PCNX2: variants seen among roughly 807,000 people sequenced by gnomAD.
PCNX2 encodes pecanex-like protein 2.
A neutral mutation model predicts 223.8 loss-of-function variants in PCNX2; 168 were observed. The ratio of observed to expected loss-of-function variants is 0.75; its 90% CI spans 0.66 to 0.85. PCNX2 has a LOEUF of 0.85. Among genes scored for constraint, PCNX2 ranks in the 40% least tolerant of loss-of-function variants. The probability of loss-of-function intolerance (pLI) is 0.00; values close to 1 mark genes in which losing one functional copy is unlikely to be tolerated. For synonymous variants in PCNX2, 1,006 were observed against 1,052.6 expected (o/e 0.96, Z 0.86); for missense variants, 2,507 against 2,675.5 (o/e 0.94, Z 1.39).
chr1:233,315,435 A>T, the PCNX2 span, among the ~76,000 whole-genome samples: 1 of 152,206 alleles, frequency 6.6e-6, no homozygotes, highest in Non-Finnish European at 1.5e-5. Context: ...TTCTCATTGT[A>T]GTCATTATAT....
intron 12 of PCNX2, 137 bp from the exon 13 acceptor site, chr1:233,208,826 C>CAAAAAAAAAAAAAAAAAAAAAAAAAAAAA (rs71173255): frequency 6.7e-5 from 4 of 59,524 alleles, no homozygotes; most frequent in East Asian, 6.3e-4. Context: ...AATTCATATA[C>CAAAAAAAAAAAAAAAAAAAAAAAAAAAAA]AAAAAAAAAA....
chr1:233,099,267 T>A lies in PCNX2; in HGVS notation c.3838-3404A>T, dbSNP rs149891946. On this transcript the variant is annotated intron_variant, in intron 21 of 33. Coordinates refer to ENST00000258229, the MANE Select transcript of PCNX2 (RefSeq NM_014801.4). ...TGCAGCAGCTACAGAAAGGTCCCCT[T>A]TATCCAAGATTTCCTGCTGACAGCA... Among the ~76,000 whole-genome samples, 197 of 152,262 alleles carry A rather than the reference T, an allele frequency of 1.3e-3. 1 individual carries two copies. The highest frequency in any genetic ancestry group is 4.3e-3 in the African/African-American group (177 of 41,560).
At chr1:233,173,413 G>A (rs568777651) in intron 17 of PCNX2, among the ~76,000 whole-genome samples, 32 of 152,234 alleles carry the variant, frequency 2.1e-4, no homozygotes, top group African/African-American at 7.2e-4. Context: ...TGATCCACCC[G>A]CCTCGGCCTC....
chr1:233,022,695 C>CTTTTTTTTTTTTTT (rs372153367), intron 26 of PCNX2, among the ~76,000 whole-genome samples: 6 of 128,670 alleles, frequency 4.7e-5, no homozygotes, highest in Non-Finnish European at 6.5e-5. Flanking sequence ...CTTTTTCTTT[C>CTTTTTTTTTTTTTT]TTTTTTTTTT....
intron 21 of PCNX2, among the ~76,000 whole-genome samples, chr1:233,128,408 C>A (rs528764396): frequency 2.0e-5 from 3 of 152,052 alleles, no homozygotes; most frequent in Non-Finnish European, 4.4e-5. Context: ...TATCTTGGCT[C>A]ATTGTAACCT....
At position 233,017,100 on chromosome 1, in the gene PCNX2, C is replaced by G. The variant is rs377345229; in HGVS notation, c.4660G>C (p.Glu1554Gln). 1.2e-6 allele frequency: 2 copies of G among 1,609,030 alleles called. No homozygotes were observed. The highest frequency in any genetic ancestry group is 1.7e-6 in the Non-Finnish European group (2 of 1,178,310). The change falls in exon 27 of 34, where the codon GAA becomes CAA. Residue 1554 changes from glutamate (E) to glutamine (Q), a missense_variant. Glu to Gln is a conservative substitution (Grantham distance 29). Around this residue, in one of 3 missense-constraint regions of PCNX2, gnomAD observed 1,372 missense variants for 1,509.4 expected, o/e 0.91. Coordinates refer to ENST00000258229, the MANE Select transcript of PCNX2 (RefSeq NM_014801.4). ...SPKLLSWIKN[E>Q]SLLKSLQPFA... ...GGCTGCAGGGACTTCAGAAGTGATT[C>G]ATTTTTGATCCAGGAGAGGAGTTTG...
At chr1:233,239,865 T>C (rs1658648175) in intron 8 of PCNX2, among the ~76,000 whole-genome samples, 1 of 152,234 alleles carries the variant, frequency 6.6e-6, no homozygotes, top group Admixed American at 6.5e-5. Context: ...AAGAGTATCT[T>C]GCCCTCAAAT....
chr1:233,198,506 C>G (rs575223608), intron 15 of PCNX2, among the ~76,000 whole-genome samples: 1 of 152,288 alleles, frequency 6.6e-6, no homozygotes, highest in East Asian at 1.9e-4. Context: ...AGTCTATAGT[C>G]CCTCTGTTTT....
At chr1:233,018,049 G>A (rs1558166145) in intron 26 of PCNX2, among the ~76,000 whole-genome samples, 3 of 152,184 alleles carry the variant, frequency 2.0e-5, no homozygotes, top group South Asian at 2.1e-4. Flanking sequence ...AGACAGCAGT[G>A]TCTCTCTCTG....
intron 9 of PCNX2, among the ~76,000 whole-genome samples, chr1:233,235,373 A>G (rs1156605539): frequency 6.6e-6 from 1 of 151,044 alleles, no homozygotes; most frequent in Admixed American, 6.6e-5. Context: ...GCAGCCTTGA[A>G]CTCCTGGGCT....
chr1:233,221,110 GAAT>G (rs1558359491), intron 10 of PCNX2, among the ~76,000 whole-genome samples: 1 of 152,104 alleles, frequency 6.6e-6, no homozygotes, highest in Admixed American at 6.5e-5. Context: ...ATATATTACA[GAAT>G]AATAGAATAG....
intron 15 of PCNX2, among the ~76,000 whole-genome samples, chr1:233,183,269 A>G (rs1232686261): frequency 6.6e-6 from 1 of 152,150 alleles, no homozygotes; most frequent in Non-Finnish European, 1.5e-5. Context: ...CCTCTCACTG[A>G]GTCCCACCAT....
chr1:233,065,819 C>A (rs1400219782), intron 23 of PCNX2, among the ~76,000 whole-genome samples: 2 of 152,188 alleles, frequency 1.3e-5, no homozygotes, highest in Non-Finnish European at 2.9e-5. Context: ...CTATGCCTAT[C>A]TGTATCAGTG....
the PCNX2 span, among the ~76,000 whole-genome samples, chr1:233,317,537 G>A: frequency 2.0e-5 from 3 of 152,190 alleles, no homozygotes; most frequent in South Asian, 6.2e-4. Context: ...TATGTTTTTA[G>A]ATGTGATATA....
intron 25 of PCNX2, among the ~76,000 whole-genome samples, chr1:233,044,719 G>C (rs1244431090): frequency 6.6e-6 from 1 of 151,700 alleles, no homozygotes; most frequent in Non-Finnish European, 1.5e-5. Flanking sequence ...CCCAGGCTGG[G>C]GTGCAATGGC....
chr1:233,007,220 T>G (rs1368726729), intron 28 of PCNX2, among the ~76,000 whole-genome samples: 1 of 151,328 alleles, frequency 6.6e-6, no homozygotes, highest in Non-Finnish European at 1.5e-5. Context: ...ACTAGCACCA[T>G]CTCTGAGCAA....
chr1:233,142,351 A>G (rs1677179758), intron 19 of PCNX2, among the ~76,000 whole-genome samples: 1 of 152,184 alleles, frequency 6.6e-6, no homozygotes, highest in South Asian at 2.1e-4. Flanking sequence ...GAGAAAATAA[A>G]GTCTATGAGG....
rs549886252 is a variant in PCNX2 at position 233,258,438 on chromosome 1, C to A, written c.1424G>T (p.Gly475Val). 5 of 1,613,926 alleles carry A rather than the reference C, an allele frequency of 3.1e-6. No individual in the cohort carries two copies. In the African/African-American group the frequency reaches 4.0e-5, roughly 13 times the overall value. Residue 475 changes from glycine to valine, a missense_variant, in exon 5 of 34, where the codon GGG becomes GTG. Gly to Val is a moderately radical substitution (Grantham distance 109). This residue lies in a region of PCNX2 where 1,031 missense variants were observed against 1,021.7 expected (regional missense o/e 1.01). Coordinates refer to ENST00000258229, the MANE Select transcript of PCNX2 (RefSeq NM_014801.4). Reference sequence around the variant, plus strand: ...ACTGTGATCCTTGATGGCATTTCCCCCCTCCCCAGATCCGTAGCCAGAACA... The same window carrying A: ...ACTGTGATCCTTGATGGCATTTCCCACCTCCCCAGATCCGTAGCCAGAACA... ...NQCSGYGSGEGGNAIKDHSSS... is the reference protein window; with the variant it reads ...NQCSGYGSGEVGNAIKDHSSS...
At chr1:233,092,955 T>C (rs537845266) in intron 22 of PCNX2, among the ~76,000 whole-genome samples, 82 of 152,178 alleles carry the variant, frequency 5.4e-4, no homozygotes, top group East Asian at 1.2e-3. Flanking sequence ...CCCACTACCA[T>C]GCCCGGCTAA....
Sources: gnomAD v4.1 joint callset for allele counts (sites outside exome capture counted in the v4.1 genomes callset) on GRCh38, gnomAD v4.1.1 for gene constraint, gnomAD v4.1.1 regional missense constraint, MANE v1.5 for transcripts, NCBI Gene and HGNC (gene_info 2026-07-23, HGNC 2026-07-21) for gene names.